The following MYBPC1 variants were observed in gnomAD, a reference collection of about 807,000 sequenced individuals.
MYBPC1 encodes myosin binding protein C1, also known as myosin-binding protein C, slow-type.
A neutral mutation model predicts 147.1 loss-of-function variants in MYBPC1; 52 were observed. The observed-to-expected ratio is 0.35, with a 90% confidence interval of 0.28 to 0.45. MYBPC1 has a LOEUF of 0.45. Ranked by LOEUF, MYBPC1 falls within the 20% of genes least tolerant of loss-of-function variation. The pLI is 1.00. For missense variants in MYBPC1, 1,228 were observed against 1,440.3 expected, an observed-to-expected ratio of 0.85 and a Z score of 2.39; for synonymous variants, 477 against 475.9, an observed-to-expected ratio of 1.00 and a Z score of -0.03.
chr12:101,652,847 G>A lies in MYBPC1; in HGVS notation c.1633+63G>A, dbSNP rs1894767944. ...TTTTTTGTTTGCTTTTGCTTACCAT[G>A]GAATTATAATATATTCAAAACTAAG... On this transcript the variant is annotated intron_variant, in intron 17 of 31. Transcript: ENST00000361466. The A allele has an allele frequency of 6.5e-6, 9 of 1,383,112 alleles. No homozygotes were observed. The East Asian group carries it at 2.1e-4, about 32-fold the overall frequency. 85.7% of individuals were successfully genotyped at this position (1,383,112 alleles called of 1,614,324 possible).
At chr12:101,669,146 G>GT (rs1167133794) in intron 23 of MYBPC1, among the ~76,000 whole-genome samples, 1 of 151,946 alleles carries the variant, frequency 6.6e-6, no homozygotes, top group Non-Finnish European at 1.5e-5. Context: ...TCTTGAGTAT[G>GT]TTTTTTTTCT....
intron 15 of MYBPC1, chr12:101,650,921 T>C: frequency 2.6e-6 from 1 of 389,432 alleles, no homozygotes; most frequent in Non-Finnish European, 4.9e-6. Context: ...TAAATGGGTG[T>C]GGCTTATATC....
Position 101,652,528 on chromosome 12 carries a change from CT to C in MYBPC1, c.1527-149del. 1.6e-5 allele frequency: 9 copies of C among 546,140 alleles called. No individual in the cohort carries two copies. In the East Asian group the frequency reaches 2.2e-4, roughly 13 times the overall value. 33.8% of individuals were successfully genotyped at this position (546,140 alleles called of 1,614,324 possible). A position where few individuals can be genotyped will look rare whatever the true frequency, so the allele number is the denominator to read the frequency against. ...TAGGATAATTAAGGCTTCTCATCCT[CT>C]CTCTCTCTCTCTCTCTTTCTCTCTC... On this transcript the variant is annotated intron_variant, in intron 16 of 31. Transcript: ENST00000361466.
chr12:101,678,387 C>A, intron 28 of MYBPC1, 149 bp downstream of exon 28: 2 of 1,170,950 alleles, frequency 1.7e-6, no homozygotes, highest in Non-Finnish European at 2.5e-6. Context: ...GATTATTAGG[C>A]ACACTATTCA....
chr12:101,687,973 A>G (rs1951375809), downstream of MYBPC1, among the ~76,000 whole-genome samples: 1 of 152,252 alleles, frequency 6.6e-6, no homozygotes, highest in Non-Finnish European at 1.5e-5. Context: ...CTAATAAGGA[A>G]GAAAAAGTCT....
chr12:101,636,643 C>T (rs752264917), intron 9 of MYBPC1, 29 bp from the exon 10 acceptor site: 13 of 1,608,484 alleles, frequency 8.1e-6, no homozygotes, highest in Non-Finnish European at 1.1e-5. Flanking sequence ...GCATTAAACC[C>T]AGATTTGCTT....
chr12:101,645,088 C>T (rs1892797443), intron 12 of MYBPC1, among the ~76,000 whole-genome samples: 1 of 152,072 alleles, frequency 6.6e-6, no homozygotes, highest in African/African-American at 2.4e-5. Flanking sequence ...CCAAATTTCT[C>T]CCAATTTTAA....
Position 101,644,769 on chromosome 12 carries a change from A to T in MYBPC1, c.938A>T (p.Asn313Ile). 6.2e-7 allele frequency: 1 copy of T among 1,614,104 alleles called. No individual in the cohort carries two copies. Among genetic ancestry groups the T allele is most frequent in the Non-Finnish European group, 8.5e-7 (1 of 1,179,970 alleles). ...AAGTTGGAGGTGAAATGGTATAAAA[A>T]TGGTCAAGAAATTCGACCCAGTACC... ...DPKLEVKWYK[N>I]GQEIRPSTKY... is the part of the protein sequence containing the mutation. The change falls in exon 12 of 32, where the codon AAT (asparagine) becomes ATT (isoleucine). Residue 313 changes from asparagine (N) to isoleucine (I), a missense_variant. Physicochemically the swap from Asn to Ile is moderately radical, Grantham distance 149 (BLOSUM62 -3). Transcript: ENST00000361466.
chr12:101,618,924 A>ATG (rs1285600163), intron 3 of MYBPC1, among the ~76,000 whole-genome samples: 1 of 146,592 alleles, frequency 6.8e-6, no homozygotes, highest in African/African-American at 2.6e-5. Flanking sequence ...TGGCAAATAC[A>ATG]TGTATATATA....
chr12:101,652,270 A>G (rs1387341151), intron 16 of MYBPC1, among the ~76,000 whole-genome samples: 1 of 152,232 alleles, frequency 6.6e-6, no homozygotes, highest in Non-Finnish European at 1.5e-5. Context: ...TGTGACCCCA[A>G]TAAAGTTAAG....
At chr12:101,606,012 TG>T (rs1416397997) in intron 1 of MYBPC1, among the ~76,000 whole-genome samples, 2 of 151,898 alleles carry the variant, frequency 1.3e-5, no homozygotes, top group Non-Finnish European at 2.9e-5. Context: ...CTGAGAAACA[TG>T]GCGAAACTTC....
intron 1 of MYBPC1, among the ~76,000 whole-genome samples, chr12:101,601,929 C>G (rs1476730722): frequency 6.6e-6 from 1 of 152,068 alleles, no homozygotes; most frequent in Non-Finnish European, 1.5e-5. Context: ...TACATTTTGT[C>G]ATGTTTAGAG....
At chr12:101,612,887 A>G (rs1163775978) in intron 1 of MYBPC1, among the ~76,000 whole-genome samples, 1 of 152,250 alleles carries the variant, frequency 6.6e-6, no homozygotes, top group Non-Finnish European at 1.5e-5. Flanking sequence ...CGATAACCCT[A>G]GTGATTCTTT....
chr12:101,635,910 T>TGGGTTTGC (rs1565932358), intron 9 of MYBPC1, among the ~76,000 whole-genome samples: 1 of 152,186 alleles, frequency 6.6e-6, no homozygotes, highest in Non-Finnish European at 1.5e-5. Context: ...TAGCTTCTGG[T>TGGGTTTGC]TAGAGTTTAT....
At chr12:101,631,883 G>T in intron 7 of MYBPC1, 138 bp from the exon 8 acceptor site, 1 of 1,303,586 alleles carries the variant, frequency 7.7e-7, no homozygotes. Context: ...GCTGTGTCCG[G>T]GGGCTACAGG....
chr12:101,653,382 A>C, intron 18 of MYBPC1, 134 bp downstream of exon 18: 2 of 1,233,348 alleles, frequency 1.6e-6, no homozygotes, highest in South Asian at 2.7e-5. Context: ...TAAAGATGTA[A>C]TTCCTTTGAA....
At position 101,653,235 on chromosome 12, in the gene MYBPC1, G is replaced by C; in HGVS notation, c.1754G>C (p.Ser585Thr). Reference sequence around the variant, plus strand: ...GAACCACCTCCTAAAGCCATGTGGAGCCGGGGAGATAAGGTTTGTTTTATG... The same window carrying C: ...GAACCACCTCCTAAAGCCATGTGGACCCGGGGAGATAAGGTTTGTTTTATG... ...SGEPPPKAMW[S>T]RGDKAIMEGS... Residue 585 changes from serine to threonine, a missense_variant, in exon 18 of 32, where the codon AGC (serine) becomes ACC (threonine). Ser to Thr is a moderately conservative substitution (Grantham distance 58). Transcript: ENST00000361466. 1 of 1,614,012 alleles carries C rather than the reference G, an allele frequency of 6.2e-7. No individual in the cohort carries two copies. Among genetic ancestry groups the C allele is most frequent in the Non-Finnish European group, 8.5e-7 (1 of 1,180,032 alleles).
intron 6 of MYBPC1, 136 bp from the exon 7 acceptor site, chr12:101,631,435 C>A: frequency 2.0e-6 from 2 of 1,023,540 alleles, no homozygotes; most frequent in Non-Finnish European, 1.5e-6. Flanking sequence ...AAAATCAGGA[C>A]GAATTCATTT....
At chr12:101,650,850 T>TC in intron 15 of MYBPC1, 1 of 294,802 alleles carries the variant, frequency 3.4e-6, no homozygotes, top group South Asian at 3.5e-5. Context: ...GCTTGTGAAC[T>TC]GTTGTGAAGC....
Sources: allele counts gnomAD v4.1 joint callset (sites outside exome capture counted in the v4.1 genomes callset), GRCh38; gene constraint gnomAD v4.1.1; transcripts MANE v1.5; gene names NCBI Gene and HGNC (gene_info 2026-07-23, HGNC 2026-07-21).